Variants in B4GALNT3 observed in about 807,000 individuals in gnomAD.
The protein encoded by B4GALNT3 is beta-1,4-N-acetylgalactosaminyltransferase 3.
Under a neutral mutation model 120.2 loss-of-function variants are expected in B4GALNT3, and 86 were observed. That is an observed-to-expected ratio of 0.72 (90% CI 0.60 to 0.86). The LOEUF is 0.86. Among genes scored for constraint, B4GALNT3 ranks in the 40% least tolerant of loss-of-function variants. The pLI is 0.00. For synonymous variants in B4GALNT3, 518 were observed against 510.4 expected (o/e 1.01, Z -0.20); for missense variants, 1,167 against 1,298.9 (o/e 0.90, Z 1.56).
intron 1 of B4GALNT3, among the ~76,000 whole-genome samples, chr12:480,907 A>G (rs1249869432): frequency 1.3e-5 from 2 of 152,208 alleles, no homozygotes; most frequent in Non-Finnish European, 1.5e-5. Context: ...CTTGCAGGCC[A>G]AGGACTGGAC....
intron 1 of B4GALNT3, among the ~76,000 whole-genome samples, chr12:526,269 A>G (rs1946758539): frequency 6.6e-6 from 1 of 152,108 alleles, no homozygotes; most frequent in South Asian, 2.1e-4. Flanking sequence ...TCACTGACTC[A>G]TTTGCTCATT....
chr12:558,229 G>A (rs1392110442), intron 17 of B4GALNT3, 141 bp downstream of exon 17: 2 of 964,122 alleles, frequency 2.1e-6, no homozygotes, highest in South Asian at 1.5e-5. Flanking sequence ...TGTGCTGCAG[G>A]CCAGTGCTAG....
chr12:525,160 G>A (rs905984437), intron 1 of B4GALNT3, among the ~76,000 whole-genome samples: 4 of 152,014 alleles, frequency 2.6e-5, no homozygotes, highest in Non-Finnish European at 5.9e-5. Context: ...CCGGGCTGGA[G>A]TGCAGTGGTG....
chr12:512,269 T>TCCACCAC (rs1313410613), intron 1 of B4GALNT3, among the ~76,000 whole-genome samples: 1 of 33,680 alleles, frequency 3.0e-5, no homozygotes, highest in Non-Finnish European at 5.1e-5. Flanking sequence ...TCTTCCACCT[T>TCCACCAC]CTTCCACCTT....
chr12:512,582 T>TCTC, intron 1 of B4GALNT3, among the ~76,000 whole-genome samples: 1 of 122,524 alleles, frequency 8.2e-6, no homozygotes. Flanking sequence ...TCCACCTTCT[T>TCTC]CCACCTTCGA....
chr12:530,731 A>T (rs904403531), intron 1 of B4GALNT3, among the ~76,000 whole-genome samples: 2 of 152,232 alleles, frequency 1.3e-5, no homozygotes, highest in African/African-American at 4.8e-5. Context: ...AACATATGCG[A>T]GAGTCTTAGA....
intron 1 of B4GALNT3, among the ~76,000 whole-genome samples, chr12:534,676 C>T (rs144558157): frequency 6.6e-6 from 1 of 152,214 alleles, no homozygotes; most frequent in African/African-American, 2.4e-5. Flanking sequence ...CCCACTCTTT[C>T]CTGCCTCTCT....
intron 19 of B4GALNT3, among the ~76,000 whole-genome samples, chr12:559,646 T>C (rs1947203098): frequency 6.6e-6 from 1 of 151,810 alleles, no homozygotes; most frequent in South Asian, 2.1e-4. Context: ...AGGGTTGGTG[T>C]GAAAATTAAC....
At chr12:542,617 T>G (rs925232139) in intron 3 of B4GALNT3, among the ~76,000 whole-genome samples, 4 of 151,930 alleles carry the variant, frequency 2.6e-5, no homozygotes, top group Non-Finnish European at 5.9e-5. Flanking sequence ...GTCCCCACAC[T>G]TCCCCTCTCC....
At chr12:472,734 A>G (rs1946149586) in intron 1 of B4GALNT3, among the ~76,000 whole-genome samples, 1 of 151,404 alleles carries the variant, frequency 6.6e-6, no homozygotes, top group Non-Finnish European at 1.5e-5. Context: ...ACCGCGCCCG[A>G]CCTATGCCTG....
At chr12:533,766 C>G (rs7311620) in intron 1 of B4GALNT3, among the ~76,000 whole-genome samples, 3 of 152,108 alleles carry the variant, frequency 2.0e-5, no homozygotes, top group African/African-American at 7.3e-5. Context: ...CTCAGTAAGC[C>G]GAAAGGGCCC....
At chr12:558,725 G>A (rs1376359661) in intron 18 of B4GALNT3, 64 bp downstream of exon 18, 1 of 1,547,024 alleles carries the variant, frequency 6.5e-7, no homozygotes, top group Non-Finnish European at 8.8e-7. Flanking sequence ...TAACTCCAGA[G>A]CTGGGAACAG....
intron 1 of B4GALNT3, among the ~76,000 whole-genome samples, chr12:476,705 T>C (rs1946189161): frequency 6.6e-6 from 1 of 152,230 alleles, no homozygotes; most frequent in Non-Finnish European, 1.5e-5. Flanking sequence ...CGCCATTGTT[T>C]ATTATAACTT....
rs2535407 is a variant in B4GALNT3 at position 561,276 on chromosome 12, G to A, written c.2889-67G>A. 1,853 of 1,244,106 alleles carry A rather than the reference G, an allele frequency of 1.5e-3. 14 individuals carry two copies. The African/African-American group carries it at 0.018, about 12-fold the overall frequency. The allele number at this position is 1,244,106 out of a possible 1,614,324, so 77.1% of individuals were successfully genotyped here. On this transcript the variant is annotated intron_variant, in intron 19 of 19. Coordinates refer to ENST00000266383, the MANE Select transcript of B4GALNT3 (RefSeq NM_173593.4). ...GGGAGCGAACAGAGGGTCTGTGGTC[G>A]ATGGGGAGGGGCCCCCCAGCTGCCT...
chr12:461,114 A>G (rs1946018649), intron 1 of B4GALNT3, among the ~76,000 whole-genome samples: 1 of 151,760 alleles, frequency 6.6e-6, no homozygotes, highest in South Asian at 2.1e-4. Context: ...CGCTTCCCAT[A>G]CGTCGCTCCT....
chr12:527,732 C>T (rs80188796), intron 1 of B4GALNT3, among the ~76,000 whole-genome samples: 3 of 152,094 alleles, frequency 2.0e-5, no homozygotes, highest in Admixed American at 6.6e-5. Flanking sequence ...GGGTGGCTTA[C>T]GTTGAGAAGG....
intron 3 of B4GALNT3, among the ~76,000 whole-genome samples, chr12:543,728 A>G (rs113607052): frequency 9.8e-3 from 296 of 30,290 alleles, no homozygotes; most frequent in East Asian, 0.015. Flanking sequence ...TCCTCCTGGA[A>G]CTGAGGAGCT....
At chr12:476,942 C>T (rs1436069281) in intron 1 of B4GALNT3, among the ~76,000 whole-genome samples, 32 of 152,124 alleles carry the variant, frequency 2.1e-4, no homozygotes, top group Non-Finnish European at 2.4e-4. Flanking sequence ...ATTCTTTTAC[C>T]GAGCTCAGCT....
intron 1 of B4GALNT3, among the ~76,000 whole-genome samples, chr12:473,280 A>G (rs764855977): frequency 2.6e-5 from 4 of 152,098 alleles, no homozygotes; most frequent in Non-Finnish European, 5.9e-5. Flanking sequence ...AATACTTACC[A>G]ACCCCTTCTA....
Sources: gnomAD v4.1 joint callset for allele counts (sites outside exome capture counted in the v4.1 genomes callset) on GRCh38, gnomAD v4.1.1 for gene constraint, MANE v1.5 for transcripts, NCBI Gene and HGNC (gene_info 2026-07-23, HGNC 2026-07-21) for gene names.